TLE1: variants seen among roughly 807,000 people sequenced by gnomAD.
TLE1 encodes the protein TLE family member 1, transcriptional corepressor.
Under a neutral mutation model 89.8 loss-of-function variants are expected in TLE1, and 21 were observed. That is an observed-to-expected ratio of 0.23 (90% CI 0.17 to 0.34). TLE1 has a LOEUF of 0.34. TLE1 is among the 10% of genes least tolerant of loss of function. The pLI is 1.00. For synonymous variants in TLE1, 447 were observed against 407.6 expected (o/e 1.10, Z -1.16); for missense variants, 795 against 1,031.2 (o/e 0.77, Z 3.14).
At chr9:81,629,599 A>G (rs904339418) in intron 8 of TLE1, among the ~76,000 whole-genome samples, 10 of 152,228 alleles carry the variant, frequency 6.6e-5, no homozygotes, top group Non-Finnish European at 1.0e-4. Flanking sequence ...ACTTTGTAAG[A>G]AAGCCATGTC....
chr9:81,591,505 A>G (rs935762686), intron 15 of TLE1, among the ~76,000 whole-genome samples: 9 of 152,176 alleles, frequency 5.9e-5, no homozygotes, highest in Non-Finnish European at 1.3e-4. Context: ...TGCTTTCTCA[A>G]GTTGTCATGT....
intron 6 of TLE1, among the ~76,000 whole-genome samples, chr9:81,650,089 C>T (rs1165891519): frequency 1.3e-5 from 2 of 152,166 alleles, no homozygotes; most frequent in African/African-American, 4.8e-5. Flanking sequence ...TTACTGTTGC[C>T]AAGGCATCCA....
Position 81,584,231 on chromosome 9 carries a change from G to T in TLE1, c.2280C>A (p.Asp760Glu). Reference protein sequence around the residue: ...DDKYIVTGSGDKKATVYEVIY With the variant: ...DDKYIVTGSGEKKATVYEVIY Reference sequence around the variant, plus strand: ...TGACTTCATAGACTGTAGCCTTCTTGTCCCCCGAGCCAGTGACTATGTACT... The same window carrying T: ...TGACTTCATAGACTGTAGCCTTCTTTTCCCCCGAGCCAGTGACTATGTACT... The change falls in exon 20 of 20, where the codon GAC becomes GAA. Residue 760 changes from aspartate (D) to glutamate (E), a missense_variant. By Grantham distance (45) the Asp-to-Glu change is conservative. Around this residue, in one of 4 missense-constraint regions of TLE1, gnomAD observed 214 missense variants for 354.9 expected, o/e 0.60. Coordinates refer to ENST00000376499, the MANE Select transcript of TLE1 (RefSeq NM_005077.5). 1.9e-6 allele frequency: 3 copies of T among 1,614,048 alleles called. No homozygotes were observed. The highest frequency in any genetic ancestry group is 2.5e-6 in the Non-Finnish European group (3 of 1,180,006).
intron 6 of TLE1, among the ~76,000 whole-genome samples, chr9:81,641,715 C>T (rs1783231695): frequency 6.6e-6 from 1 of 152,164 alleles, no homozygotes; most frequent in South Asian, 2.1e-4. Flanking sequence ...AAACGCAAAT[C>T]AGAGCCACAA....
chr9:81,646,545 T>C (rs1828885322), intron 6 of TLE1, among the ~76,000 whole-genome samples: 1 of 152,194 alleles, frequency 6.6e-6, no homozygotes, highest in African/African-American at 2.4e-5. Context: ...TTTCCAGGGA[T>C]TAACCACATA....
intron 4 of TLE1, among the ~76,000 whole-genome samples, chr9:81,655,915 A>G (rs563178684): frequency 1.5e-3 from 221 of 152,258 alleles, no homozygotes; most frequent in Middle Eastern, 3.4e-3. Context: ...TCAAGCATAT[A>G]AAAAACAGCA....
chr9:81,653,677 C>T (rs1484404074), intron 5 of TLE1, among the ~76,000 whole-genome samples: 2 of 152,122 alleles, frequency 1.3e-5, no homozygotes, highest in African/African-American at 4.8e-5. Context: ...ATAAAAGACA[C>T]CTGAATTTTC....
intron 4 of TLE1, among the ~76,000 whole-genome samples, chr9:81,683,156 C>T (rs960837538): frequency 4.0e-5 from 6 of 151,868 alleles, no homozygotes; most frequent in Admixed American, 2.6e-4. Context: ...GGAGAGCGGT[C>T]GTCACACTGG....
intron 6 of TLE1, among the ~76,000 whole-genome samples, chr9:81,639,575 G>GTTTTTTT (rs1185374761): frequency 5.9e-5 from 7 of 117,780 alleles, no homozygotes; most frequent in East Asian, 3.1e-4. Context: ...AGTAAAAGTT[G>GTTTTTTT]TTTTTTTTTT....
At chr9:81,679,289 A>G (rs1353087116) in intron 4 of TLE1, among the ~76,000 whole-genome samples, 2 of 142,610 alleles carry the variant, frequency 1.4e-5, no homozygotes, top group African/African-American at 2.6e-5. Context: ...CAATAATTTT[A>G]AAAATTTTTC....
intron 14 of TLE1, among the ~76,000 whole-genome samples, chr9:81,603,062 C>CA (rs1236082738): frequency 6.6e-6 from 1 of 152,154 alleles, no homozygotes; most frequent in Non-Finnish European, 1.5e-5. Flanking sequence ...TACTCTGTTC[C>CA]ACTCTGATTG....
At position 81,685,651 on chromosome 9, in the gene TLE1, A is replaced by G. The variant is rs199672832; in HGVS notation, c.234+25T>C. 73 of 1,610,812 alleles carry G rather than the reference A, an allele frequency of 4.5e-5. 1 individual carries two copies. Among genetic ancestry groups the G allele is most frequent in the Middle Eastern group, 1.7e-4 (1 of 6,022 alleles). ...ATCATATGAACTGATGTCTCATTTC[A>G]GCTTGAAGTTCAACTAAAGCTTACC... On this transcript the variant is annotated intron_variant, in intron 4 of 19. Transcript: ENST00000376499.
chr9:81,635,197 G>A (rs1165459969), intron 6 of TLE1, among the ~76,000 whole-genome samples: 2 of 152,126 alleles, frequency 1.3e-5, no homozygotes, highest in Admixed American at 6.6e-5. Context: ...CATTAGAAAC[G>A]AAACTTTGTT....
At chr9:81,670,848 G>C (rs748826490) in intron 4 of TLE1, among the ~76,000 whole-genome samples, 1 of 151,998 alleles carries the variant, frequency 6.6e-6, no homozygotes, top group South Asian at 2.1e-4. Context: ...CTTTCGGTAG[G>C]TAAGCCATAC....
chr9:81,588,057 GA>G (rs897418955), intron 16 of TLE1, among the ~76,000 whole-genome samples: 1 of 152,016 alleles, frequency 6.6e-6, no homozygotes, highest in Non-Finnish European at 1.5e-5. Context: ...AAGTGCTAAA[GA>G]AATGGAATGC....
chr9:81,588,416 A>G (rs1298556732), intron 16 of TLE1, among the ~76,000 whole-genome samples: 1 of 152,120 alleles, frequency 6.6e-6, no homozygotes, highest in East Asian at 1.9e-4. Context: ...CTGCATTAGG[A>G]AATCTGGACT....
At chr9:81,665,188 G>A (rs532112603) in intron 4 of TLE1, among the ~76,000 whole-genome samples, 4 of 152,284 alleles carry the variant, frequency 2.6e-5, no homozygotes, top group African/African-American at 9.6e-5. Context: ...CGGGGGTGTA[G>A]GAACACATTT....
At chr9:81,646,141 G>A (rs544610390) in intron 6 of TLE1, among the ~76,000 whole-genome samples, 1 of 152,176 alleles carries the variant, frequency 6.6e-6, no homozygotes, top group South Asian at 2.1e-4. Flanking sequence ...TTTTAAAAAA[G>A]GAAAGAAATA....
intron 4 of TLE1, among the ~76,000 whole-genome samples, chr9:81,675,884 A>T (rs1832845535): frequency 6.6e-6 from 1 of 151,872 alleles, no homozygotes; most frequent in Non-Finnish European, 1.5e-5. Context: ...TATTTTCAGC[A>T]GAGACGGGGT....
Sources: gnomAD v4.1 joint callset for allele counts (sites outside exome capture counted in the v4.1 genomes callset) on GRCh38, gnomAD v4.1.1 for gene constraint, gnomAD v4.1.1 regional missense constraint, MANE v1.5 for transcripts, NCBI Gene and HGNC (gene_info 2026-07-23, HGNC 2026-07-21) for gene names.